The following PAM variants were observed in gnomAD, a reference collection of about 807,000 sequenced individuals.
PAM encodes peptidylglycine alpha-amidating monooxygenase, also known as peptidyl-glycine alpha-amidating monooxygenase.
A neutral mutation model predicts 122.1 loss-of-function variants in PAM; 72 were observed. The ratio of observed to expected loss-of-function variants is 0.59; its 90% confidence interval spans 0.49 to 0.72. PAM has a LOEUF of 0.72. Among genes scored for constraint, PAM ranks in the 30% least tolerant of loss-of-function variants. The probability of loss-of-function intolerance (pLI) is 0.00; values close to 1 mark genes in which losing one functional copy is unlikely to be tolerated. For synonymous variants in PAM, 389 were observed against 404.4 expected, an observed-to-expected ratio of 0.96 and a Z score of 0.46; for missense variants, 1,106 against 1,183.7, an observed-to-expected ratio of 0.93 and a Z score of 0.96.
intron 1 of PAM, among the ~76,000 whole-genome samples, chr5:102,779,211 CAT>C (rs1757942682): frequency 6.7e-6 from 1 of 150,174 alleles, no homozygotes; most frequent in African/African-American, 2.5e-5. Context: ...CAAAAATATG[CAT>C]ATATATGTGT....
chr5:102,772,548 A>C (rs761022253), intron 1 of PAM, among the ~76,000 whole-genome samples: 1 of 152,136 alleles, frequency 6.6e-6, no homozygotes, highest in Non-Finnish European at 1.5e-5. Context: ...TGGTTCTCAA[A>C]TAAGTAAACT....
At chr5:102,988,637 AGAAG>A (rs1772845749) in intron 15 of PAM, among the ~76,000 whole-genome samples, 1 of 142,188 alleles carries the variant, frequency 7.0e-6, no homozygotes. Flanking sequence ...GGGAAAAAAA[AGAAG>A]GAAAGGAAAG....
chr5:102,862,806 G>A (rs552607713), intron 1 of PAM, among the ~76,000 whole-genome samples: 4 of 152,290 alleles, frequency 2.6e-5, no homozygotes, highest in Admixed American at 1.3e-4. Flanking sequence ...AGCTAGAGAG[G>A]TTAGGTACTT....
intron 4 of PAM, among the ~76,000 whole-genome samples, chr5:102,909,444 A>C (rs1329448502): frequency 6.6e-6 from 1 of 151,938 alleles, no homozygotes; most frequent in East Asian, 1.9e-4. Flanking sequence ...AAGGAGCATT[A>C]CAATCCCAAT....
intron 15 of PAM, chr5:102,987,481 T>TA: frequency 2.2e-6 from 1 of 446,680 alleles, no homozygotes; most frequent in South Asian, 1.6e-5. Context: ...GCAGGGTAAA[T>TA]ATAGTTAACA....
At chr5:102,939,336 G>T (rs1754316352) in intron 7 of PAM, among the ~76,000 whole-genome samples, 2 of 151,674 alleles carry the variant, frequency 1.3e-5, no homozygotes, top group African/African-American at 4.8e-5. Context: ...CTTCTCATGG[G>T]GTCATCTGTC....
intron 1 of PAM, among the ~76,000 whole-genome samples, chr5:102,774,954 T>G (rs984392294): frequency 2.0e-5 from 3 of 152,030 alleles, no homozygotes; most frequent in Non-Finnish European, 4.4e-5. Flanking sequence ...ATAAAAATAT[T>G]CTTGCTGTGA....
intron 1 of PAM, among the ~76,000 whole-genome samples, chr5:102,778,717 C>T (rs1757820740): frequency 6.6e-6 from 1 of 152,138 alleles, no homozygotes; most frequent in Non-Finnish European, 1.5e-5. Flanking sequence ...TTCATTTTTA[C>T]ATGGAAGATT....
intron 16 of PAM, among the ~76,000 whole-genome samples, chr5:103,002,646 A>G: frequency 6.6e-6 from 1 of 152,224 alleles, no homozygotes; most frequent in East Asian, 1.9e-4. Flanking sequence ...ATATGAAAGA[A>G]AATGTCTATT....
chr5:102,906,151 CAGTG>C (rs1392090426), intron 4 of PAM, among the ~76,000 whole-genome samples: 2 of 151,684 alleles, frequency 1.3e-5, no homozygotes, highest in Non-Finnish European at 3.0e-5. Flanking sequence ...TAATAAAAAA[CAGTG>C]AGAGATGAAT....
chr5:102,849,294 C>T (rs193149478), intron 1 of PAM, among the ~76,000 whole-genome samples: 8 of 152,246 alleles, frequency 5.3e-5, no homozygotes, highest in East Asian at 1.9e-4. Flanking sequence ...CGGTGCCTCA[C>T]GCCTGTAATC....
chr5:102,928,598 G>A (rs560117329), intron 7 of PAM, among the ~76,000 whole-genome samples: 2 of 152,090 alleles, frequency 1.3e-5, no homozygotes, highest in South Asian at 2.1e-4. Context: ...ATACTATCAG[G>A]TCCCTAAAGC....
At chr5:102,816,107 C>T (rs954832953) in intron 1 of PAM, among the ~76,000 whole-genome samples, 1 of 152,112 alleles carries the variant, frequency 6.6e-6, no homozygotes, top group Admixed American at 6.6e-5. Context: ...CTTATGCCTC[C>T]TGACAGCCAG....
chr5:102,876,730 C>T (rs915149324), intron 3 of PAM, among the ~76,000 whole-genome samples: 2 of 152,150 alleles, frequency 1.3e-5, no homozygotes, highest in Admixed American at 6.5e-5. Flanking sequence ...GGCGTAAACC[C>T]GATGGGGCCA....
At chr5:102,817,176 A>G (rs1770147631) in intron 1 of PAM, among the ~76,000 whole-genome samples, 2 of 152,140 alleles carry the variant, frequency 1.3e-5, no homozygotes, top group Non-Finnish European at 2.9e-5. Context: ...TTTGAAACCT[A>G]GCTGTTAGTA....
At chr5:102,781,317 G>T (rs1305607622) in intron 1 of PAM, among the ~76,000 whole-genome samples, 1 of 152,116 alleles carries the variant, frequency 6.6e-6, no homozygotes, top group Non-Finnish European at 1.5e-5. Flanking sequence ...GAGCATAGGA[G>T]AACTAGAATT....
intron 5 of PAM, among the ~76,000 whole-genome samples, chr5:102,924,470 G>A (rs1010297756): frequency 7.3e-5 from 11 of 151,548 alleles, no homozygotes; most frequent in Non-Finnish European, 1.6e-4. Context: ...CTCTTAAAAG[G>A]GACACACTTG....
chr5:102,944,416 A>G (rs1242346974), intron 7 of PAM, among the ~76,000 whole-genome samples: 1 of 152,144 alleles, frequency 6.6e-6, no homozygotes, highest in African/African-American at 2.4e-5. Context: ...AATGAAAGAA[A>G]GAATATTTAC....
At chr5:102,983,357 T>G (rs1423662220) in intron 15 of PAM, among the ~76,000 whole-genome samples, 2 of 144,748 alleles carry the variant, frequency 1.4e-5, no homozygotes, top group Non-Finnish European at 3.0e-5. Context: ...GGCTGAGGCA[T>G]AAGAATCACT....
Sources: allele counts gnomAD v4.1 joint callset (sites outside exome capture counted in the v4.1 genomes callset), GRCh38; gene constraint gnomAD v4.1.1; transcripts MANE v1.5; gene names NCBI Gene and HGNC (gene_info 2026-07-23, HGNC 2026-07-21).